Variants in LINGO2 observed in about 807,000 individuals in gnomAD.
The protein encoded by LINGO2 is leucine-rich repeat and immunoglobulin-like domain-containing nogo receptor-interacting protein 2.
In LINGO2, 14 loss-of-function variants were observed where a neutral mutation model predicts 30.6. The ratio of observed to expected loss-of-function variants is 0.46; its 90% CI spans 0.30 to 0.72. LINGO2 has a LOEUF of 0.72. Among genes scored for constraint, LINGO2 ranks in the 30% least tolerant of loss-of-function variants. The probability of loss-of-function intolerance (pLI) is 0.07; values close to 1 mark genes in which losing one functional copy is unlikely to be tolerated. For missense variants in LINGO2, 729 were observed against 751.7 expected (o/e 0.97, Z 0.35); for synonymous variants, 317 against 288.5 (o/e 1.10, Z -1.00).
At chr9:28,796,059 G>C in the LINGO2 span, among the ~76,000 whole-genome samples, 65 of 140,448 alleles carry the variant, frequency 4.6e-4, no homozygotes, top group African/African-American at 1.7e-3. Context: ...CATTCTATAA[G>C]GTAATCAGGA....
At chr9:28,166,992 T>A (rs1482102364) in intron 4 of LINGO2, among the ~76,000 whole-genome samples, 3 of 152,152 alleles carry the variant, frequency 2.0e-5, no homozygotes, top group Non-Finnish European at 4.4e-5. Context: ...AAGTTCTGTG[T>A]GACTCTGGGA....
chr9:28,915,964 A>T, the LINGO2 span, among the ~76,000 whole-genome samples: 43 of 152,294 alleles, frequency 2.8e-4, no homozygotes, highest in East Asian at 7.2e-3. Flanking sequence ...TAAACTAAAA[A>T]TAAAGTTCTA....
chr9:28,359,468 C>G (rs1321528626), intron 3 of LINGO2, among the ~76,000 whole-genome samples: 2 of 152,100 alleles, frequency 1.3e-5, no homozygotes, highest in East Asian at 1.9e-4. Flanking sequence ...ACACACATAC[C>G]TGCCCTAACC....
chr9:29,188,240 C>G, the LINGO2 span, among the ~76,000 whole-genome samples: 2 of 151,660 alleles, frequency 1.3e-5, no homozygotes, highest in Non-Finnish European at 2.9e-5. Context: ...ATGCTGCCTT[C>G]AAGCATCTGT....
intron 2 of LINGO2, among the ~76,000 whole-genome samples, chr9:28,470,242 A>G (rs971674845): frequency 6.6e-6 from 1 of 152,190 alleles, no homozygotes; most frequent in Non-Finnish European, 1.5e-5. Flanking sequence ...AAAGTTGTAA[A>G]TTTGTTGTCA....
intron 1 of LINGO2, among the ~76,000 whole-genome samples, chr9:28,478,521 G>C (rs1007858011): frequency 1.3e-5 from 2 of 151,984 alleles, no homozygotes; most frequent in African/African-American, 4.8e-5. Context: ...CACATTTTGA[G>C]TAACAAGAAT....
intron 2 of LINGO2, among the ~76,000 whole-genome samples, chr9:28,400,087 G>A (rs898542307): frequency 2.6e-5 from 4 of 152,134 alleles, no homozygotes; most frequent in Admixed American, 2.6e-4. Flanking sequence ...AGCTGACCAC[G>A]GAATGCAATG....
At chr9:28,122,762 T>C (rs1028656550) in intron 4 of LINGO2, among the ~76,000 whole-genome samples, 1 of 152,206 alleles carries the variant, frequency 6.6e-6, no homozygotes, top group African/African-American at 2.4e-5. Context: ...CAAGTTATGT[T>C]TTTCAATTCA....
At position 28,189,784 on chromosome 9, in the gene LINGO2, A is replaced by G. The variant is rs76242654; in HGVS notation, c.-87+105424T>C. Among the ~76,000 whole-genome samples the G allele has an allele frequency of 9.2e-3, 1,403 of 152,098 alleles. 13 individuals are homozygous for G. The highest frequency in any genetic ancestry group is 0.015 in the Non-Finnish European group (997 of 67,956). On this transcript the variant is annotated intron_variant, in intron 4 of 5. Transcript: ENST00000379992. ...ACTAGTGCCTGATATTCCCTGGAGAACCAAAAGCTTGAAGCAGTTGTGATC... is the reference window on the plus strand; with the variant it reads ...ACTAGTGCCTGATATTCCCTGGAGAGCCAAAAGCTTGAAGCAGTTGTGATC...
intron 4 of LINGO2, among the ~76,000 whole-genome samples, chr9:28,229,855 G>C (rs1308940778): frequency 1.3e-5 from 2 of 151,596 alleles, no homozygotes; most frequent in African/African-American, 4.8e-5. Context: ...TGTATCCCTA[G>C]CCCATTTAGA....
chr9:29,110,808 A>G, the LINGO2 span, among the ~76,000 whole-genome samples: 1 of 151,736 alleles, frequency 6.6e-6, no homozygotes, highest in African/African-American at 2.4e-5. Flanking sequence ...CTCCTACCTC[A>G]GCCTCCCAAG....
intron 4 of LINGO2, among the ~76,000 whole-genome samples, chr9:28,125,706 A>G (rs573186474): frequency 1.5e-3 from 227 of 152,294 alleles, no homozygotes; most frequent in Middle Eastern, 0.01. Context: ...GTGAAAAAAA[A>G]TTGAGTGACC....
chr9:28,820,235 G>A, the LINGO2 span, among the ~76,000 whole-genome samples: 1 of 140,092 alleles, frequency 7.1e-6, no homozygotes, highest in African/African-American at 2.9e-5. Context: ...GGCACGTGCT[G>A]GAGAAAAGAT....
chr9:28,938,455 A>T, the LINGO2 span, among the ~76,000 whole-genome samples: 2 of 152,186 alleles, frequency 1.3e-5, no homozygotes. Flanking sequence ...TATACTACAT[A>T]TAGTCATGCA....
At chr9:28,935,680 G>A in the LINGO2 span, among the ~76,000 whole-genome samples, 1 of 135,652 alleles carries the variant, frequency 7.4e-6, no homozygotes, top group African/African-American at 2.7e-5. Flanking sequence ...AGTCATAAGA[G>A]GATTAAATAT....
At chr9:28,075,376 C>T (rs1455884052) in intron 4 of LINGO2, among the ~76,000 whole-genome samples, 1 of 151,758 alleles carries the variant, frequency 6.6e-6, no homozygotes, top group Admixed American at 6.6e-5. Flanking sequence ...ATTTGTGTTA[C>T]TTCCAGTTTT....
At chr9:28,719,319 G>A in the LINGO2 span, among the ~76,000 whole-genome samples, 2 of 152,018 alleles carry the variant, frequency 1.3e-5, no homozygotes, top group Non-Finnish European at 2.9e-5. Flanking sequence ...CTCCTTCCCT[G>A]AAGGAACTAA....
chr9:28,648,669 A>G (rs1290117688), intron 1 of LINGO2, among the ~76,000 whole-genome samples: 1 of 152,168 alleles, frequency 6.6e-6, no homozygotes, highest in African/African-American at 2.4e-5. Flanking sequence ...TCTTTCTCAC[A>G]GTGGAGTAGA....
chr9:28,588,433 A>G lies in LINGO2; in HGVS notation c.-365+81767T>C, dbSNP rs186346220. 3.3e-5 allele frequency among the ~76,000 whole-genome samples: 5 copies of G among 152,050 alleles called. No homozygotes were observed. The East Asian group carries it at 9.7e-4, about 30-fold the overall frequency. On this transcript the variant is annotated intron_variant, in intron 1 of 5. Coordinates refer to ENST00000379992, the Ensembl canonical transcript of LINGO2. ...CAATGGTGTAAAATAGGGGAAAAAGAAAAGGGGCTTCCTGGAATTATAAGA... is the reference window on the plus strand; with the variant it reads ...CAATGGTGTAAAATAGGGGAAAAAGGAAAGGGGCTTCCTGGAATTATAAGA...
Sources: allele counts gnomAD v4.1 joint callset (sites outside exome capture counted in the v4.1 genomes callset), GRCh38; gene constraint gnomAD v4.1.1; transcripts MANE v1.5; gene names NCBI Gene and HGNC (gene_info 2026-07-23, HGNC 2026-07-21).